PRP4K: variants seen among roughly 807,000 people sequenced by gnomAD.
PRP4K encodes serine/threonine-protein kinase PRP4 homolog.
chr6:4,031,612 CAGA>C, the PRP4K span: 1 of 1,588,650 alleles, frequency 6.3e-7, no homozygotes, highest in Non-Finnish European at 8.5e-7. Flanking sequence ...GGAGAAGTAT[CAGA>C]AGACCAGTCT....
the PRP4K span, among the ~76,000 whole-genome samples, chr6:4,047,914 A>G: frequency 7.4e-6 from 1 of 134,636 alleles, no homozygotes; most frequent in African/African-American, 3.6e-5. Flanking sequence ...ACACACACAC[A>G]CACACACACA....
chr6:4,058,142 C>G, the PRP4K span, among the ~76,000 whole-genome samples: 2 of 152,114 alleles, frequency 1.3e-5, no homozygotes, highest in Admixed American at 6.5e-5. Context: ...TCCAATGTAG[C>G]TGGGACTACA....
chr6:4,059,530 G>A, the PRP4K span, among the ~76,000 whole-genome samples: 9 of 152,310 alleles, frequency 5.9e-5, no homozygotes, highest in Middle Eastern at 3.4e-3. Flanking sequence ...ATACTTCAGG[G>A]TATTAACTTA....
At chr6:4,053,290 C>T in the PRP4K span, among the ~76,000 whole-genome samples, 1 of 152,128 alleles carries the variant, frequency 6.6e-6, no homozygotes, top group South Asian at 2.1e-4. Context: ...CAATAAAGCT[C>T]AGTTGTGGTT....
At chr6:4,058,201 A>C in the PRP4K span, among the ~76,000 whole-genome samples, 2 of 152,244 alleles carry the variant, frequency 1.3e-5, no homozygotes, top group East Asian at 3.9e-4. Context: ...TTTTTTGTAG[A>C]GATGGAGTTT....
the PRP4K span, chr6:4,050,016 TTG>T: frequency 5.3e-5 from 3 of 56,324 alleles, no homozygotes; most frequent in Non-Finnish European, 9.9e-5. Context: ...ATGGAAACAG[TTG>T]TTTTTTTTTT....
the PRP4K span, among the ~76,000 whole-genome samples, chr6:4,054,180 G>A: frequency 6.6e-6 from 1 of 152,124 alleles, no homozygotes; most frequent in Non-Finnish European, 1.5e-5. Context: ...GGGATTATAG[G>A]TGTGAGCTAC....
At chr6:4,036,232 G>A in the PRP4K span, among the ~76,000 whole-genome samples, 2 of 151,990 alleles carry the variant, frequency 1.3e-5, no homozygotes, top group South Asian at 4.2e-4. Context: ...GTTTTTCTGG[G>A]GAGACTGGAG....
the PRP4K span, among the ~76,000 whole-genome samples, chr6:4,036,670 C>G: frequency 6.6e-6 from 1 of 152,000 alleles, no homozygotes; most frequent in Non-Finnish European, 1.5e-5. Flanking sequence ...AACCATTGTG[C>G]CTGGCCTATT....
the PRP4K span, among the ~76,000 whole-genome samples, chr6:4,031,149 A>G: frequency 6.6e-6 from 1 of 152,228 alleles, no homozygotes; most frequent in Non-Finnish European, 1.5e-5. Context: ...GTCTTATTAA[A>G]AAAGAAAACG....
At chr6:4,053,449 C>G in the PRP4K span, among the ~76,000 whole-genome samples, 3 of 152,260 alleles carry the variant, frequency 2.0e-5, no homozygotes, top group East Asian at 5.8e-4. Flanking sequence ...TCTCCCATCT[C>G]TCACCCTCCA....
At chr6:4,045,624 C>A in the PRP4K span, among the ~76,000 whole-genome samples, 1 of 152,144 alleles carries the variant, frequency 6.6e-6, no homozygotes, top group Admixed American at 6.5e-5. Context: ...ATTTCTATCT[C>A]TTATTACAGT....
chr6:4,026,612 T>A, the PRP4K span, among the ~76,000 whole-genome samples: 1 of 152,140 alleles, frequency 6.6e-6, no homozygotes, highest in Non-Finnish European at 1.5e-5. Context: ...CTTATGTTAT[T>A]CTATATATAT....
chr6:4,040,071 A>G, the PRP4K span, among the ~76,000 whole-genome samples: 2 of 151,814 alleles, frequency 1.3e-5, no homozygotes, highest in Non-Finnish European at 2.9e-5. Flanking sequence ...TGTTTTGTGG[A>G]GACAGGGTTT....
chr6:4,021,413 C>T, the PRP4K span: 79 of 1,580,030 alleles, frequency 5.0e-5, no homozygotes, highest in East Asian at 1.8e-3. Flanking sequence ...GCCGAGGAGT[C>T]AGGAAGTTCA....
chr6:4,021,970 ACT>A, the PRP4K span, among the ~76,000 whole-genome samples: 2 of 151,720 alleles, frequency 1.3e-5, no homozygotes, highest in Non-Finnish European at 1.5e-5. Flanking sequence ...CTGGGGTCAC[ACT>A]CTCTGGCCAT....
At chr6:4,036,857 C>T in the PRP4K span, among the ~76,000 whole-genome samples, 1 of 151,666 alleles carries the variant, frequency 6.6e-6, no homozygotes, top group South Asian at 2.1e-4. Context: ...TGGTGGCATG[C>T]CCTTATGGTT....
chr6:4,044,865 T>TTA, the PRP4K span, among the ~76,000 whole-genome samples: 6 of 131,644 alleles, frequency 4.6e-5, no homozygotes, highest in Non-Finnish European at 9.6e-5. Context: ...TTATTATTAT[T>TTA]TTTTTTTTTT....
chr6:4,043,741 A>G, the PRP4K span: 7 of 1,416,378 alleles, frequency 4.9e-6, no homozygotes, highest in African/African-American at 1.4e-5. Context: ...CACTGCAGCA[A>G]CTCTTAGCCA....
Sources: gnomAD v4.1 joint callset for allele counts (sites outside exome capture counted in the v4.1 genomes callset) on GRCh38, gnomAD v4.1.1 for gene constraint, MANE v1.5 for transcripts, NCBI Gene and HGNC (gene_info 2026-07-23, HGNC 2026-07-21) for gene names.